Variants in SAMD12 observed in about 807,000 individuals in gnomAD.
The protein encoded by SAMD12 is sterile alpha motif domain-containing protein 12.
Under a neutral mutation model 15.0 loss-of-function variants are expected in SAMD12, and 9 were observed. The observed-to-expected ratio is 0.60, with a 90% CI of 0.36 to 1.05. The LOEUF is 1.05. Among genes scored for constraint, SAMD12 ranks in the 50% least tolerant of loss-of-function variants. SAMD12 has a pLI of 0.01. For synonymous variants in SAMD12, 86 were observed against 90.1 expected (o/e 0.96, Z 0.25); for missense variants, 230 against 234.2 (o/e 0.98, Z 0.12).
intron 4 of SAMD12, among the ~76,000 whole-genome samples, chr8:118,200,405 A>C (rs1223173300): frequency 2.4e-4 from 3 of 12,462 alleles, no homozygotes; most frequent in Non-Finnish European, 7.1e-4. Flanking sequence ...TAGAGTACCA[A>C]AAAAAAAAAA....
chr8:118,451,568 T>TC (rs1214060920), intron 2 of SAMD12, among the ~76,000 whole-genome samples: 6 of 152,150 alleles, frequency 3.9e-5, no homozygotes, highest in Non-Finnish European at 5.9e-5. Context: ...TAATCAAAAG[T>TC]CTAAGTGTTT....
At chr8:118,324,184 G>C (rs571129488) in intron 4 of SAMD12, among the ~76,000 whole-genome samples, 51 of 152,164 alleles carry the variant, frequency 3.4e-4, no homozygotes, top group African/African-American at 1.2e-3. Flanking sequence ...GAAGGCACAG[G>C]CTTAATAATT....
At chr8:118,280,927 G>A (rs1188875594) in intron 4 of SAMD12, among the ~76,000 whole-genome samples, 4 of 152,088 alleles carry the variant, frequency 2.6e-5, no homozygotes, top group Non-Finnish European at 4.4e-5. Flanking sequence ...GTCCTCAAGC[G>A]GAAATGGCAA....
the SAMD12 span, among the ~76,000 whole-genome samples, chr8:118,153,515 CA>C: frequency 6.6e-6 from 1 of 152,130 alleles, no homozygotes; most frequent in Non-Finnish European, 1.5e-5. Context: ...TTTCCTTCTG[CA>C]AAGAGAGAAA....
At chr8:118,328,979 A>T (rs942032129) in intron 4 of SAMD12, among the ~76,000 whole-genome samples, 4 of 152,210 alleles carry the variant, frequency 2.6e-5, no homozygotes, top group African/African-American at 9.6e-5. Flanking sequence ...AGGTTGCTCA[A>T]CAAAGGCATT....
At chr8:118,280,975 T>G (rs1245484453) in intron 4 of SAMD12, among the ~76,000 whole-genome samples, 1 of 152,232 alleles carries the variant, frequency 6.6e-6, no homozygotes, top group East Asian at 1.9e-4. Flanking sequence ...GATGATATCC[T>G]AATCATAGTC....
chr8:118,533,104 T>C (rs1442186343), intron 2 of SAMD12, among the ~76,000 whole-genome samples: 3 of 152,082 alleles, frequency 2.0e-5, no homozygotes, highest in Non-Finnish European at 4.4e-5. Context: ...CTACACACTG[T>C]TTTAAATGTG....
At chr8:118,524,174 A>C (rs568546810) in intron 2 of SAMD12, among the ~76,000 whole-genome samples, 1 of 151,632 alleles carries the variant, frequency 6.6e-6, no homozygotes, top group African/African-American at 2.4e-5. Flanking sequence ...CACCAGACCC[A>C]CTCTCTTGTG....
At chr8:118,420,981 CAA>C (rs1821969138) in intron 3 of SAMD12, among the ~76,000 whole-genome samples, 3 of 152,168 alleles carry the variant, frequency 2.0e-5, no homozygotes, top group Non-Finnish European at 2.9e-5. Context: ...GCAGTTGTGA[CAA>C]AGACCCTACG....
At chr8:118,597,833 C>T (rs1404031918) in intron 1 of SAMD12, among the ~76,000 whole-genome samples, 2 of 152,194 alleles carry the variant, frequency 1.3e-5, no homozygotes, top group Non-Finnish European at 1.5e-5. Flanking sequence ...AGTTGGTACT[C>T]TGTTATTTAA....
chr8:118,298,155 G>A (rs182900631), intron 4 of SAMD12, among the ~76,000 whole-genome samples: 9 of 152,294 alleles, frequency 5.9e-5, no homozygotes, highest in African/African-American at 1.4e-4. Context: ...TGGGCAAATC[G>A]TTCATTTGTT....
At chr8:118,501,207 T>C (rs1824772380) in intron 2 of SAMD12, among the ~76,000 whole-genome samples, 1 of 152,242 alleles carries the variant, frequency 6.6e-6, no homozygotes, top group Non-Finnish European at 1.5e-5. Flanking sequence ...CTGTCAGTTT[T>C]ATATCCCAAT....
chr8:118,440,000 A>C, intron 2 of SAMD12, 39 bp from the exon 3 acceptor site: 2 of 1,608,714 alleles, frequency 1.2e-6, no homozygotes, highest in Non-Finnish European at 8.5e-7. Context: ...TGCTGGCCCC[A>C]TGCCTAGGAA....
chr8:118,595,348 T>C (rs1827697190), intron 1 of SAMD12, among the ~76,000 whole-genome samples: 1 of 152,192 alleles, frequency 6.6e-6, no homozygotes, highest in South Asian at 2.1e-4. Context: ...TTGGCTGATA[T>C]ATTAAAAAAC....
intron 2 of SAMD12, among the ~76,000 whole-genome samples, chr8:118,538,473 A>G (rs1825907289): frequency 2.0e-5 from 3 of 152,154 alleles, no homozygotes; most frequent in Non-Finnish European, 4.4e-5. Flanking sequence ...GGGCTGGTTT[A>G]AATTCTCCCC....
chr8:118,436,972 G>A (rs983285225), intron 3 of SAMD12, among the ~76,000 whole-genome samples: 5 of 152,146 alleles, frequency 3.3e-5, no homozygotes, highest in Non-Finnish European at 5.9e-5. Flanking sequence ...ACAAGGTTGC[G>A]ATGCAGCTCT....
chr8:118,337,306 G>A (rs1024236977), intron 4 of SAMD12, among the ~76,000 whole-genome samples: 3 of 152,108 alleles, frequency 2.0e-5, no homozygotes, highest in Non-Finnish European at 4.4e-5. Context: ...CGCCAGCTCA[G>A]CTTTTGCACA....
chr8:118,265,517 C>T (rs568674159), intron 4 of SAMD12, among the ~76,000 whole-genome samples: 1 of 152,092 alleles, frequency 6.6e-6, no homozygotes, highest in South Asian at 2.1e-4. Context: ...GAAAGTGATC[C>T]AGAATGAGTT....
intron 2 of SAMD12, among the ~76,000 whole-genome samples, chr8:118,563,511 G>T (rs1278867400): frequency 1.3e-5 from 2 of 152,044 alleles, no homozygotes; most frequent in Non-Finnish European, 2.9e-5. Flanking sequence ...TAACTAACCA[G>T]ACACAACTTG....
Sources: gnomAD v4.1 joint callset for allele counts (sites outside exome capture counted in the v4.1 genomes callset) on GRCh38, gnomAD v4.1.1 for gene constraint, MANE v1.5 for transcripts, NCBI Gene and HGNC (gene_info 2026-07-23, HGNC 2026-07-21) for gene names.